Variants in PHIP observed in about 807,000 individuals in gnomAD.
PHIP encodes PHIP subunit of CUL4-Ring ligase complex, also known as PH-interacting protein.
Under a neutral mutation model 236.8 loss-of-function variants are expected in PHIP, and 54 were observed. The observed-to-expected ratio is 0.23, with a 90% CI of 0.18 to 0.29. The LOEUF is 0.29. Ranked by LOEUF, PHIP falls within the 10% of genes least tolerant of loss-of-function variation. The pLI is 1.00. For synonymous variants in PHIP, 756 were observed against 718.9 expected (o/e 1.05, Z -0.83); for missense variants, 1,370 against 2,190.8 (o/e 0.63, Z 7.48).
At chr6:78,980,323 A>ATTAC (rs1768430427) in intron 23 of PHIP, among the ~76,000 whole-genome samples, 1 of 152,014 alleles carries the variant, frequency 6.6e-6, no homozygotes. Context: ...AAGACACATG[A>ATTAC]GATGCTACCA....
At position 79,051,928 on chromosome 6, in the gene PHIP, T is replaced by A. The variant is rs116370937; in HGVS notation, c.439+8550A>T. Among the ~76,000 whole-genome samples the A allele has an allele frequency of 4.3e-3, 658 of 152,264 alleles. 2 individuals carry two copies. Among genetic ancestry groups the A allele is most frequent in the African/African-American group, 0.014 (595 of 41,536 alleles). ...ATTTTTTAAGTTAGGTGGTTTTTTT[T>A]AATGTCAAACATTTTAATCACTCAA... On this transcript the variant is annotated intron_variant, in intron 6 of 39. Transcript: ENST00000275034.
intron 24 of PHIP, among the ~76,000 whole-genome samples, chr6:78,973,904 T>C (rs1562140893): frequency 6.6e-6 from 1 of 151,708 alleles, no homozygotes; most frequent in East Asian, 1.9e-4. Flanking sequence ...CAAAGAGACT[T>C]AGACTCCCAC....
At chr6:78,978,500 G>T in intron 24 of PHIP, 92 bp downstream of exon 24, 1 of 965,268 alleles carries the variant, frequency 1.0e-6, no homozygotes, top group Non-Finnish European at 1.5e-6. Context: ...TTACAAAACT[G>T]CTTCTATTTT....
chr6:78,946,061 A>G lies in PHIP; in HGVS notation c.4570T>C (p.Ser1524Pro), dbSNP rs1056960. Reference sequence around the variant, plus strand: ...GTAATAAAAGTCTTTGCAGCTGAAGAAGTAGATGGTTGCTCAGTGACAACT... The same window carrying G: ...GTAATAAAAGTCTTTGCAGCTGAAGGAGTAGATGGTTGCTCAGTGACAACT... ...DPVVTEQPST[S>P]SAAKTFITKA... Residue 1524 changes from serine to proline, a missense_variant, in exon 38 of 40, where the codon TCT becomes CCT. This residue lies in a region of PHIP where 309 missense variants were observed against 328.3 expected (regional missense o/e 0.94). Coordinates refer to ENST00000275034, the MANE Select transcript of PHIP (RefSeq NM_017934.7). The G allele has an allele frequency of 1.9e-6, 3 of 1,612,624 alleles. No individual in the cohort carries two copies. Among genetic ancestry groups the G allele is most frequent in the South Asian group, 2.2e-5 (2 of 91,044 alleles).
At chr6:78,999,342 G>A (rs954449864) in intron 17 of PHIP, among the ~76,000 whole-genome samples, 2 of 152,066 alleles carry the variant, frequency 1.3e-5, no homozygotes, top group East Asian at 3.9e-4. Flanking sequence ...CAACTAAAAT[G>A]GCAATTCCAT....
intron 36 of PHIP, 71 bp downstream of exon 36, chr6:78,947,552 G>T: frequency 1.4e-6 from 1 of 713,812 alleles, no homozygotes; most frequent in Non-Finnish European, 2.3e-6. Context: ...TTTAAGTAAA[G>T]CAACATTTAG....
chr6:79,028,386 A>T (rs1771508184), intron 7 of PHIP, among the ~76,000 whole-genome samples: 1 of 152,182 alleles, frequency 6.6e-6, no homozygotes. Context: ...AGGAGAGAAT[A>T]AGTGGTAACA....
intron 7 of PHIP, among the ~76,000 whole-genome samples, chr6:79,040,081 A>G (rs898474686): frequency 1.3e-5 from 2 of 152,152 alleles, no homozygotes; most frequent in East Asian, 1.9e-4. Flanking sequence ...ACTTAAATCT[A>G]TAAGTAGCAG....
At chr6:78,964,105 T>C (rs1249424420) in intron 29 of PHIP, among the ~76,000 whole-genome samples, 1 of 152,200 alleles carries the variant, frequency 6.6e-6, no homozygotes, top group Non-Finnish European at 1.5e-5. Flanking sequence ...TGAGTTCAAA[T>C]TCAAACTTTC....
At position 79,003,808 on chromosome 6, in the gene PHIP, A is replaced by G; in HGVS notation, c.1575T>C (p.Asp525=). 1 of 1,609,600 alleles carries G rather than the reference A, an allele frequency of 6.2e-7. No individual in the cohort carries two copies. The highest frequency in any genetic ancestry group is 2.2e-5 in the East Asian group (1 of 44,738). The change falls in exon 16 of 40, where the codon GAT becomes GAC. Residue 525 remains aspartate (D), a synonymous_variant. Coordinates refer to ENST00000275034, the MANE Select transcript of PHIP (RefSeq NM_017934.7). ...AGTCTGTGCATGCAAAATGCTGACC[A>G]TCAGGAGAGCATTTGCAGTCAAATA... The part of the protein sequence containing the change: ...GAVFDCKCSP[D]GQHFACTDSH...
intron 4 of PHIP, among the ~76,000 whole-genome samples, chr6:79,071,109 C>A (rs142398171): frequency 5.1e-4 from 78 of 152,304 alleles, no homozygotes; most frequent in African/African-American, 1.8e-3. Context: ...TTATCAAAAA[C>A]TCCTCATCCA....
At chr6:79,024,861 C>T (rs1364011491) in intron 9 of PHIP, among the ~76,000 whole-genome samples, 2 of 152,154 alleles carry the variant, frequency 1.3e-5, no homozygotes, top group Admixed American at 1.3e-4. Context: ...CATCAAAGGG[C>T]AGAGAAGTGC....
rs757274353 is a variant in PHIP at position 79,015,798 on chromosome 6, G to T, written c.1236-15C>A. The T allele has an allele frequency of 6.3e-6, 10 of 1,599,676 alleles. No homozygotes were observed. The highest frequency in any genetic ancestry group is 8.5e-6 in the Non-Finnish European group (10 of 1,171,824). Reference sequence around the variant, plus strand: ...GAAGGTTTTGGCTGAAAGTGAGGAAGTGTTTTACACTGACTATTAAAATAC... The same window carrying T: ...GAAGGTTTTGGCTGAAAGTGAGGAATTGTTTTACACTGACTATTAAAATAC... On this transcript the variant is annotated splice_polypyrimidine_tract_variant and intron_variant, in intron 13 of 39. Coordinates refer to ENST00000275034, the MANE Select transcript of PHIP (RefSeq NM_017934.7).
rs567278354 is a variant in PHIP, at chr6:79,059,667, A to G, written c.439+811T>C. Among the ~76,000 whole-genome samples, 3 of 147,144 alleles carry G rather than the reference A, an allele frequency of 2.0e-5. No individual in the cohort carries two copies. In the East Asian group the frequency reaches 5.9e-4, roughly 29 times the overall value. ...GTCATATAAACTTACGATCTGTATA[A>G]TAAGTATCCAGAAAAGGAAGAATTA... On this transcript the variant is annotated intron_variant, in intron 6 of 39. Coordinates refer to ENST00000275034, the MANE Select transcript of PHIP (RefSeq NM_017934.7).
intron 15 of PHIP, among the ~76,000 whole-genome samples, chr6:79,005,023 G>A (rs1355248516): frequency 6.6e-6 from 1 of 151,942 alleles, no homozygotes; most frequent in African/African-American, 2.4e-5. Context: ...TTTTTCCTTT[G>A]GCTTGCTAAA....
chr6:78,988,953 G>C (rs1769041836), intron 20 of PHIP, among the ~76,000 whole-genome samples: 2 of 152,140 alleles, frequency 1.3e-5, no homozygotes, highest in African/African-American at 2.4e-5. Context: ...CATGTGGCTG[G>C]CTTATTTTTC....
chr6:79,050,838 C>T (rs979842031), intron 6 of PHIP, among the ~76,000 whole-genome samples: 1 of 152,060 alleles, frequency 6.6e-6, no homozygotes, highest in Non-Finnish European at 1.5e-5. Flanking sequence ...TAGAGAATGA[C>T]AATTGCGTAT....
At chr6:79,051,193 T>A (rs1165651453) in intron 6 of PHIP, among the ~76,000 whole-genome samples, 1 of 152,116 alleles carries the variant, frequency 6.6e-6, no homozygotes, top group East Asian at 1.9e-4. Context: ...ACAGGTTGGT[T>A]TACTCCTACA....
chr6:78,995,765 C>T (rs1190617460), intron 19 of PHIP, among the ~76,000 whole-genome samples: 1 of 152,040 alleles, frequency 6.6e-6, no homozygotes, highest in Non-Finnish European at 1.5e-5. Flanking sequence ...TTACTTAGCC[C>T]CCTGTTGGGT....
Sources: allele counts gnomAD v4.1 joint callset (sites outside exome capture counted in the v4.1 genomes callset), GRCh38; gene constraint gnomAD v4.1.1; regional missense constraint gnomAD v4.1.1; transcripts MANE v1.5; gene names NCBI Gene and HGNC (gene_info 2026-07-23, HGNC 2026-07-21).